Variants in B3GALT1 observed in about 807,000 individuals in gnomAD.
B3GALT1 encodes beta-1,3-galactosyltransferase 1, also known as UDP-Gal:betaGlcNAc beta 1,3-galactosyltransferase, polypeptide 1.
A neutral mutation model predicts 23.2 loss-of-function variants in B3GALT1; 10 were observed. That is an observed-to-expected ratio of 0.43 (90% CI 0.27 to 0.73). The LOEUF (loss-of-function observed/expected upper bound fraction) is 0.73. Ranked by LOEUF, B3GALT1 falls within the 30% of genes least tolerant of loss-of-function variation. The pLI is 0.21. For synonymous variants in B3GALT1, 156 were observed against 141.5 expected (o/e 1.10, Z -0.73); for missense variants, 299 against 405.4 (o/e 0.74, Z 2.25).
intron 3 of B3GALT1, among the ~76,000 whole-genome samples, chr2:167,778,385 C>A (rs1286519686): frequency 2.6e-5 from 4 of 151,992 alleles, no homozygotes; most frequent in Non-Finnish European, 4.4e-5. Context: ...TTCTATTCTT[C>A]TATCTTTTTT....
At chr2:167,509,161 C>T (rs1699966726) in intron 2 of B3GALT1, among the ~76,000 whole-genome samples, 1 of 152,096 alleles carries the variant, frequency 6.6e-6, no homozygotes, top group Non-Finnish European at 1.5e-5. Flanking sequence ...AGAGTTCTTA[C>T]TAAGCAATAG....
intron 1 of B3GALT1, among the ~76,000 whole-genome samples, chr2:167,304,593 A>C (rs1313557791): frequency 6.6e-6 from 1 of 152,136 alleles, no homozygotes; most frequent in Non-Finnish European, 1.5e-5. Flanking sequence ...CTAGAGAAAC[A>C]GAACCAATAA....
chr2:167,538,251 G>A (rs1683463853), intron 2 of B3GALT1, among the ~76,000 whole-genome samples: 1 of 152,090 alleles, frequency 6.6e-6, no homozygotes, highest in Non-Finnish European at 1.5e-5. Context: ...AAACAAACAA[G>A]CAAAAGATTT....
chr2:167,303,747 G>A (rs1376912486), intron 1 of B3GALT1, among the ~76,000 whole-genome samples: 1 of 151,896 alleles, frequency 6.6e-6, no homozygotes, highest in African/African-American at 2.4e-5. Context: ...TACCAGGAGT[G>A]GGATGAAGCC....
intron 1 of B3GALT1, among the ~76,000 whole-genome samples, chr2:167,408,094 A>C (rs1371032834): frequency 6.6e-6 from 1 of 151,082 alleles, no homozygotes; most frequent in Non-Finnish European, 1.5e-5. Flanking sequence ...CTACAGGCCA[A>C]TATCACTGGT....
rs1385440235 is a variant in B3GALT1 at position 167,872,149 on chromosome 2, G to C, written c.*2129G>C. 1 of 151,736 alleles carries C rather than the reference G, an allele frequency of 6.6e-6. No individual in the cohort carries two copies. The highest frequency in any genetic ancestry group is 1.5e-5 in the Non-Finnish European group (1 of 67,940). The allele number at this position is 151,736 out of a possible 1,614,324, so 9.4% of individuals were successfully genotyped here. ...GATCTCCTGACCTCGTGATCCGCCC[G>C]CCTCGGCCTCCCAAAGTGCTGGGAT... On this transcript the variant is annotated 3_prime_UTR_variant, in exon 5 of 5. Transcript: ENST00000392690.
chr2:167,520,009 C>T (rs2105360535), intron 2 of B3GALT1, among the ~76,000 whole-genome samples: 1 of 149,732 alleles, frequency 6.7e-6, no homozygotes, highest in African/African-American at 2.5e-5. Context: ...TGTGCCACTG[C>T]ACTGCAGCCT....
intron 3 of B3GALT1, among the ~76,000 whole-genome samples, chr2:167,703,952 C>A (rs529589014): frequency 1.3e-5 from 2 of 151,982 alleles, no homozygotes; most frequent in Non-Finnish European, 2.9e-5. Context: ...GAGGCCAAGG[C>A]GGGCGGATCA....
chr2:167,397,783 A>C (rs891290039), intron 1 of B3GALT1, among the ~76,000 whole-genome samples: 6 of 152,110 alleles, frequency 3.9e-5, no homozygotes, highest in African/African-American at 1.4e-4. Flanking sequence ...GCTAACCCTT[A>C]TTCCACCTAA....
rs565150311 is a variant in B3GALT1 at position 167,562,975 on chromosome 2, C to A, written c.-410+72698C>A. Among the ~76,000 whole-genome samples the A allele has an allele frequency of 2.0e-5, 3 of 152,258 alleles. No individual in the cohort carries two copies. The East Asian group carries it at 5.8e-4, about 29-fold the overall frequency. On this transcript the variant is annotated intron_variant, in intron 2 of 4. Transcript: ENST00000392690. ...GAGCACAGGGTTGGGGGCAAGGTCA[C>A]CGATCAACAGGATCCCAAGGCAGAA...
At chr2:167,827,971 C>CT (rs1298508894) in intron 4 of B3GALT1, among the ~76,000 whole-genome samples, 2 of 152,212 alleles carry the variant, frequency 1.3e-5, no homozygotes, top group Admixed American at 1.3e-4. Context: ...GCCCCCTCCC[C>CT]TGCCCTCTTA....
chr2:167,349,779 G>A (rs1697281327), intron 1 of B3GALT1, among the ~76,000 whole-genome samples: 1 of 152,126 alleles, frequency 6.6e-6, no homozygotes, highest in South Asian at 2.1e-4. Context: ...GTCTTGGAAT[G>A]TATGCCCCAC....
intron 2 of B3GALT1, among the ~76,000 whole-genome samples, chr2:167,618,322 G>T (rs1473844911): frequency 6.6e-6 from 1 of 151,938 alleles, no homozygotes; most frequent in Non-Finnish European, 1.5e-5. Context: ...GCAAAGACAG[G>T]ACAAAGAATT....
chr2:167,513,938 T>G (rs1700065214), intron 2 of B3GALT1, among the ~76,000 whole-genome samples: 1 of 152,100 alleles, frequency 6.6e-6, no homozygotes, highest in Non-Finnish European at 1.5e-5. Context: ...ACAGAGTCTC[T>G]CTCTGTCACC....
Position 167,466,991 on chromosome 2 carries a change from G to A in B3GALT1, c.-510-23186G>A, listed in dbSNP as rs528031271. ...AATCTGCCTGCCTCAGCCTCCCAGG[G>A]TGCTGGGATTACAGGTGTGAGCCAC... On this transcript the variant is annotated intron_variant, in intron 1 of 4. Transcript: ENST00000392690. 4.0e-4 allele frequency among the ~76,000 whole-genome samples: 60 copies of A among 151,544 alleles called. 1 individual carries two copies. The South Asian group carries it at 0.012, about 31-fold the overall frequency.
At chr2:167,318,320 AAAAC>A (rs1016308634) in intron 1 of B3GALT1, among the ~76,000 whole-genome samples, 17 of 152,084 alleles carry the variant, frequency 1.1e-4, no homozygotes, top group South Asian at 4.1e-4. Context: ...ACTCTGTCTC[AAAAC>A]AAACAAACAA....
intron 1 of B3GALT1, among the ~76,000 whole-genome samples, chr2:167,391,085 T>C (rs1032657198): frequency 6.6e-6 from 1 of 152,250 alleles, no homozygotes; most frequent in African/African-American, 2.4e-5. Flanking sequence ...GTGGAAAGTA[T>C]GTGAAGGATT....
intron 1 of B3GALT1, among the ~76,000 whole-genome samples, chr2:167,387,526 G>T (rs929138322): frequency 2.0e-5 from 3 of 152,170 alleles, no homozygotes; most frequent in African/African-American, 7.2e-5. Context: ...GGAAATGATG[G>T]TAAAGAAAAC....
intron 1 of B3GALT1, among the ~76,000 whole-genome samples, chr2:167,478,129 A>T (rs1699511778): frequency 6.6e-6 from 1 of 152,220 alleles, no homozygotes; most frequent in African/African-American, 2.4e-5. Context: ...TTTAGAGTGG[A>T]TACATTTAGC....
Sources: gnomAD v4.1 joint callset for allele counts (sites outside exome capture counted in the v4.1 genomes callset) on GRCh38, gnomAD v4.1.1 for gene constraint, MANE v1.5 for transcripts, NCBI Gene and HGNC (gene_info 2026-07-23, HGNC 2026-07-21) for gene names.